Variants in PCGF5 observed in about 807,000 individuals in gnomAD.
PCGF5 encodes polycomb group RING finger protein 5.
Under a neutral mutation model 44.3 loss-of-function variants are expected in PCGF5, and 9 were observed. The ratio of observed to expected loss-of-function variants is 0.20; its 90% CI spans 0.12 to 0.35. PCGF5 has a LOEUF of 0.35. Ranked by LOEUF, PCGF5 falls within the 10% of genes least tolerant of loss-of-function variation. PCGF5 has a pLI of 1.00. For synonymous variants in PCGF5, 95 were observed against 102.5 expected, an observed-to-expected ratio of 0.93 and a Z score of 0.44; for missense variants, 146 against 305.3, an observed-to-expected ratio of 0.48 and a Z score of 3.89.
In PCGF5 at chr10:91,230,826, T is replaced by A. The variant is rs140767341; in HGVS notation, c.112+7843T>A. On this transcript the variant is annotated intron_variant, in intron 2 of 9. Transcript: ENST00000336126. Reference sequence around the variant, plus strand: ...TGTGTAGAGACGGGGTTTGGCCATGTTGCCCAGCCTGGTCTTGAACTCCTG... The same window carrying A: ...TGTGTAGAGACGGGGTTTGGCCATGATGCCCAGCCTGGTCTTGAACTCCTG... 5.3e-3 allele frequency among the ~76,000 whole-genome samples: 813 copies of A among 152,268 alleles called. 6 individuals carry two copies. The highest frequency in any genetic ancestry group is 0.017 in the African/African-American group (713 of 41,556).
At chr10:91,276,712 G>A (rs768192705) in intron 9 of PCGF5, among the ~76,000 whole-genome samples, 4 of 152,070 alleles carry the variant, frequency 2.6e-5, no homozygotes, top group African/African-American at 4.8e-5. Context: ...TAGAATTAAT[G>A]GATACTTCCA....
chr10:91,251,286 A>T lies in PCGF5; in HGVS notation c.326-6A>T. 6.2e-7 allele frequency: 1 copy of T among 1,600,504 alleles called. No individual in the cohort carries two copies. Among genetic ancestry groups the T allele is most frequent in the Non-Finnish European group, 8.5e-7 (1 of 1,170,010 alleles). On this transcript the variant is annotated splice_polypyrimidine_tract_variant and splice_region_variant and intron_variant, in intron 5 of 9. Transcript: ENST00000336126. Reference sequence around the variant, plus strand: ...TAGCTAACTTAGTTTTGTTTAAATTATACAGATGATACTTCAAAAGCTGAC... The same window carrying T: ...TAGCTAACTTAGTTTTGTTTAAATTTTACAGATGATACTTCAAAAGCTGAC...
At chr10:91,264,156 G>T (rs1413841495) in intron 7 of PCGF5, among the ~76,000 whole-genome samples, 2 of 152,056 alleles carry the variant, frequency 1.3e-5, no homozygotes, top group African/African-American at 4.8e-5. Context: ...ACTAAGAAAG[G>T]TTACATTGCA....
intron 1 of PCGF5, among the ~76,000 whole-genome samples, chr10:91,177,898 A>C (rs1843740810): frequency 6.6e-6 from 1 of 152,140 alleles, no homozygotes; most frequent in Admixed American, 6.5e-5. Flanking sequence ...CACTTGGTGC[A>C]CGGTGCACTG....
At chr10:91,238,618 T>C (rs1172541404) in intron 2 of PCGF5, among the ~76,000 whole-genome samples, 2 of 137,292 alleles carry the variant, frequency 1.5e-5, no homozygotes, top group African/African-American at 5.5e-5. Flanking sequence ...TTTTTTTTTT[T>C]TTTTTTTTTT....
chr10:91,221,100 C>T (rs1364868188), intron 1 of PCGF5, among the ~76,000 whole-genome samples: 1 of 151,528 alleles, frequency 6.6e-6, no homozygotes, highest in East Asian at 2.0e-4. Flanking sequence ...CCCGCGGGGC[C>T]TGGGCCCGCG....
Position 91,223,178 on chromosome 10 carries a change from C to G in PCGF5, c.112+195C>G, listed in dbSNP as rs191972269. ...CATGAAATTTTGCTTTTATTTGAAT[C>G]TCAGTAGTTGACTCTTATCACATTG... On this transcript the variant is annotated intron_variant, in intron 2 of 9. Coordinates refer to ENST00000336126, the MANE Select transcript of PCGF5 (RefSeq NM_032373.5). Among the ~76,000 whole-genome samples the G allele has an allele frequency of 3.4e-3, 511 of 152,232 alleles. 4 individuals are homozygous for G. Among genetic ancestry groups the G allele is most frequent in the African/African-American group, 0.011 (455 of 41,552 alleles).
intron 1 of PCGF5, among the ~76,000 whole-genome samples, chr10:91,193,224 A>AGCTT (rs1844065586): frequency 6.6e-6 from 1 of 152,136 alleles, no homozygotes; most frequent in South Asian, 2.1e-4. Flanking sequence ...GACCCAAAGG[A>AGCTT]GCTTGGAAGG....
chr10:91,216,430 G>C (rs1326730941), upstream of PCGF5, among the ~76,000 whole-genome samples: 1 of 152,156 alleles, frequency 6.6e-6, no homozygotes, highest in African/African-American at 2.4e-5. Context: ...GAGTTCAAGT[G>C]GGGGTGGGGA....
At chr10:91,222,278 T>C (rs1345020599) in intron 1 of PCGF5, among the ~76,000 whole-genome samples, 1 of 152,184 alleles carries the variant, frequency 6.6e-6, no homozygotes, top group East Asian at 1.9e-4. Context: ...CAACTTGGTT[T>C]GACTCGTAAC....
At chr10:91,196,363 A>G (rs773907034) in intron 1 of PCGF5, among the ~76,000 whole-genome samples, 1 of 152,228 alleles carries the variant, frequency 6.6e-6, no homozygotes. Flanking sequence ...TATATATTAG[A>G]CTTTCTAAGC....
At chr10:91,240,696 G>T in intron 3 of PCGF5, 116 bp downstream of exon 3, 3 of 514,214 alleles carry the variant, frequency 5.8e-6, no homozygotes, top group East Asian at 6.6e-5. Context: ...TAGGACTTAT[G>T]ATTTTCATTT....
intron 9 of PCGF5, among the ~76,000 whole-genome samples, chr10:91,276,545 C>T (rs1846317796): frequency 6.6e-6 from 1 of 152,112 alleles, no homozygotes; most frequent in Non-Finnish European, 1.5e-5. Context: ...TGTTGTGACA[C>T]ATTTCAATAA....
intron 1 of PCGF5, among the ~76,000 whole-genome samples, chr10:91,196,702 G>T (rs944260288): frequency 6.6e-6 from 1 of 152,028 alleles, no homozygotes; most frequent in Non-Finnish European, 1.5e-5. Flanking sequence ...ATTTCTTGTT[G>T]GTCCCCCTCA....
intron 2 of PCGF5, among the ~76,000 whole-genome samples, chr10:91,224,373 G>A (rs1337559455): frequency 6.6e-6 from 1 of 152,052 alleles, no homozygotes; most frequent in Non-Finnish European, 1.5e-5. Context: ...AACTATCATC[G>A]AACAGACATT....
chr10:91,277,664 T>A (rs1220391095), intron 9 of PCGF5, among the ~76,000 whole-genome samples: 1 of 152,254 alleles, frequency 6.6e-6, no homozygotes, highest in East Asian at 1.9e-4. Context: ...TAGTATCAAC[T>A]GTTGAAAGGA....
intron 2 of PCGF5, among the ~76,000 whole-genome samples, chr10:91,226,289 TAAAA>T (rs66465569): frequency 1.9e-4 from 14 of 75,144 alleles, no homozygotes; most frequent in African/African-American, 7.0e-4. Context: ...TTAAGAAATG[TAAAA>T]AAAAAAAAAA....
chr10:91,254,298 A>G (rs1341433657), intron 6 of PCGF5, among the ~76,000 whole-genome samples: 7 of 151,822 alleles, frequency 4.6e-5, no homozygotes, highest in Non-Finnish European at 4.4e-5. Context: ...ATGAATACTT[A>G]AGACCTCTAA....
At chr10:91,271,803 C>A (rs1846188216) in intron 9 of PCGF5, 106 bp downstream of exon 9, 2 of 908,898 alleles carry the variant, frequency 2.2e-6, no homozygotes, top group Non-Finnish European at 3.4e-6. Context: ...AAAACTGTTA[C>A]TGGAGCTACA....
Sources: allele counts gnomAD v4.1 joint callset (sites outside exome capture counted in the v4.1 genomes callset), GRCh38; gene constraint gnomAD v4.1.1; transcripts MANE v1.5; gene names NCBI Gene and HGNC (gene_info 2026-07-23, HGNC 2026-07-21).